Variants in FSTL4 observed in about 807,000 individuals in gnomAD.
FSTL4 encodes the protein follistatin-related protein 4.
A neutral mutation model predicts 78.2 loss-of-function variants in FSTL4; 28 were observed. The observed-to-expected ratio is 0.36, with a 90% CI of 0.27 to 0.49. FSTL4 has a LOEUF of 0.49. Among genes scored for constraint, FSTL4 ranks in the 20% least tolerant of loss-of-function variants. The probability of loss-of-function intolerance (pLI) is 0.98; values close to 1 mark genes in which losing one functional copy is unlikely to be tolerated. For synonymous variants in FSTL4, 422 were observed against 440.5 expected (o/e 0.96, Z 0.53); for missense variants, 922 against 1,084.9 (o/e 0.85, Z 2.11).
intron 4 of FSTL4, among the ~76,000 whole-genome samples, chr5:133,385,199 T>A (rs1270643939): frequency 6.6e-6 from 1 of 152,202 alleles, no homozygotes; most frequent in Non-Finnish European, 1.5e-5. Context: ...CTCAGCACTG[T>A]TTGTTGAAGC....
chr5:133,330,485 T>A (rs1754318135), intron 4 of FSTL4, among the ~76,000 whole-genome samples: 1 of 152,124 alleles, frequency 6.6e-6, no homozygotes, highest in African/African-American at 2.4e-5. Context: ...TCGCAAGGAC[T>A]CACTACCGTG....
At chr5:133,761,588 T>C in the FSTL4 span, among the ~76,000 whole-genome samples, 1 of 152,248 alleles carries the variant, frequency 6.6e-6, no homozygotes, top group Non-Finnish European at 1.5e-5. Flanking sequence ...GCCTTAAATG[T>C]AGCCTAGCTG....
intron 4 of FSTL4, among the ~76,000 whole-genome samples, chr5:133,395,497 G>A (rs577145496): frequency 6.6e-6 from 1 of 152,334 alleles, no homozygotes; most frequent in South Asian, 2.1e-4. Context: ...CACTCACCGC[G>A]CGGGTCCGCG....
chr5:133,753,058 G>A, the FSTL4 span, among the ~76,000 whole-genome samples: 1 of 152,164 alleles, frequency 6.6e-6, no homozygotes, highest in African/African-American at 2.4e-5. Flanking sequence ...CAATGAACCA[G>A]CTACCCTTAT....
the FSTL4 span, among the ~76,000 whole-genome samples, chr5:133,760,139 G>A: frequency 3.9e-4 from 60 of 152,304 alleles, no homozygotes; most frequent in African/African-American, 1.3e-3. Flanking sequence ...CAGCCCTGTC[G>A]TGACTGTACC....
At chr5:133,765,954 G>A in the FSTL4 span, among the ~76,000 whole-genome samples, 1 of 152,196 alleles carries the variant, frequency 6.6e-6, no homozygotes, top group Admixed American at 6.5e-5. Context: ...GAGCTGTGCA[G>A]GAAAGTTTCC....
rs12656539 is a variant in FSTL4 at position 133,482,182 on chromosome 5, G to A, written c.161-81196C>T. On this transcript the variant is annotated intron_variant, in intron 3 of 15. Transcript: ENST00000265342. ...TGCTCAGTATGGAAGGAAATGCCAT[G>A]CAAATGTGTGTTTGAAAGATAATCA... is the stretch of plus-strand genomic sequence containing the variant. Among the ~76,000 whole-genome samples, 16 of 152,352 alleles carry A rather than the reference G, an allele frequency of 1.1e-4. No individual in the cohort carries two copies. In the East Asian group the frequency reaches 2.5e-3, roughly 24 times the overall value.
chr5:133,291,604 C>T (rs1753263999), intron 6 of FSTL4, among the ~76,000 whole-genome samples: 1 of 152,120 alleles, frequency 6.6e-6, no homozygotes, highest in South Asian at 2.1e-4. Context: ...GAACAGGTGG[C>T]CAAAAAGGTG....
At chr5:133,629,920 G>C in the FSTL4 span, among the ~76,000 whole-genome samples, 3 of 152,242 alleles carry the variant, frequency 2.0e-5, no homozygotes, top group African/African-American at 7.2e-5. Context: ...AATAGATGCA[G>C]AAAAGGCCTT....
At chr5:133,482,783 T>A (rs1758055644) in intron 3 of FSTL4, among the ~76,000 whole-genome samples, 1 of 152,102 alleles carries the variant, frequency 6.6e-6, no homozygotes, top group African/African-American at 2.4e-5. Context: ...CCCTCAGCTG[T>A]ACAAATTGGC....
chr5:133,672,977 TA>T, the FSTL4 span, among the ~76,000 whole-genome samples: 2 of 152,132 alleles, frequency 1.3e-5, no homozygotes, highest in Non-Finnish European at 2.9e-5. Flanking sequence ...ATGTAAGAAG[TA>T]CACTGGTTCG....
the FSTL4 span, among the ~76,000 whole-genome samples, chr5:133,814,342 T>A: frequency 2.0e-5 from 3 of 152,198 alleles, no homozygotes; most frequent in Non-Finnish European, 4.4e-5. Context: ...GTGCTCAGCA[T>A]AACAAGCACG....
chr5:133,462,951 T>C, intron 3 of FSTL4, among the ~76,000 whole-genome samples: 1 of 152,196 alleles, frequency 6.6e-6, no homozygotes, highest in Non-Finnish European at 1.5e-5. Flanking sequence ...ATGGGAGACT[T>C]TGTGCTCCTG....
intron 4 of FSTL4, among the ~76,000 whole-genome samples, chr5:133,373,876 A>C (rs929314048): frequency 2.0e-5 from 3 of 152,194 alleles, no homozygotes; most frequent in Non-Finnish European, 2.9e-5. Flanking sequence ...TGTTGGCTTA[A>C]ATAGAACTGG....
chr5:133,703,928 G>C, the FSTL4 span, among the ~76,000 whole-genome samples: 2 of 152,182 alleles, frequency 1.3e-5, no homozygotes, highest in Admixed American at 1.3e-4. Flanking sequence ...TTTCGCTCAG[G>C]CCCCTTGATT....
chr5:133,502,368 C>A (rs1474802671), intron 3 of FSTL4, among the ~76,000 whole-genome samples: 1 of 152,106 alleles, frequency 6.6e-6, no homozygotes, highest in South Asian at 2.1e-4. Flanking sequence ...AGATGGAGAG[C>A]CACACGGGAA....
the FSTL4 span, among the ~76,000 whole-genome samples, chr5:133,723,257 G>A: frequency 6.6e-6 from 1 of 152,232 alleles, no homozygotes; most frequent in Admixed American, 6.5e-5. Flanking sequence ...AGGCTGGGAT[G>A]TGGCTGTAGT....
intron 11 of FSTL4, among the ~76,000 whole-genome samples, chr5:133,221,451 A>G (rs1751102020): frequency 8.1e-6 from 1 of 123,434 alleles, no homozygotes; most frequent in Non-Finnish European, 1.6e-5. Context: ...CGTGCCAGGC[A>G]GCAGAACCTA....
chr5:133,457,072 T>C (rs142941316), intron 3 of FSTL4, among the ~76,000 whole-genome samples: 40 of 151,066 alleles, frequency 2.6e-4, no homozygotes, highest in African/African-American at 9.7e-4. Flanking sequence ...TTACAACCTA[T>C]AATTTTCTGT....
Sources: gnomAD v4.1 joint callset for allele counts (sites outside exome capture counted in the v4.1 genomes callset) on GRCh38, gnomAD v4.1.1 for gene constraint, MANE v1.5 for transcripts, NCBI Gene and HGNC (gene_info 2026-07-23, HGNC 2026-07-21) for gene names.